The following SEMA6D variants were observed in gnomAD, a reference collection of about 807,000 sequenced individuals.
The protein encoded by SEMA6D is semaphorin-6D.
SEMA6D carries 35 observed loss-of-function variants against 106.6 expected under a neutral mutation model. The observed-to-expected ratio is 0.33, with a 90% CI of 0.25 to 0.44. The LOEUF is 0.44. Among genes scored for constraint, SEMA6D ranks in the 20% least tolerant of loss-of-function variants. The pLI, the probability that SEMA6D is intolerant of heterozygous loss-of-function variation, is 1.00. For missense variants in SEMA6D, 1,185 were observed against 1,345.9 expected (o/e 0.88, Z 1.87); for synonymous variants, 499 against 487.7 (o/e 1.02, Z -0.31).
chr15:47,708,796 T>C (rs1256604023), intron 4 of SEMA6D, among the ~76,000 whole-genome samples: 1 of 152,220 alleles, frequency 6.6e-6, no homozygotes, highest in East Asian at 1.9e-4. Flanking sequence ...GACAGTGTGA[T>C]AAGCACCAGA....
At chr15:47,345,601 T>G (rs1369998502) in intron 1 of SEMA6D, among the ~76,000 whole-genome samples, 1 of 152,062 alleles carries the variant, frequency 6.6e-6, no homozygotes, top group African/African-American at 2.4e-5. Flanking sequence ...ACTATAAAAC[T>G]TCAAGAAGAA....
At chr15:47,259,327 G>A (rs1227773516) in intron 1 of SEMA6D, among the ~76,000 whole-genome samples, 1 of 152,086 alleles carries the variant, frequency 6.6e-6, no homozygotes, top group Admixed American at 6.5e-5. Context: ...AGTTATTTTA[G>A]CGAGTCTTTA....
At chr15:47,429,267 A>G (rs1258393802) in intron 2 of SEMA6D, among the ~76,000 whole-genome samples, 1 of 152,134 alleles carries the variant, frequency 6.6e-6, no homozygotes, top group Non-Finnish European at 1.5e-5. Flanking sequence ...GTGACCTCAG[A>G]TAAGTTGCTT....
intron 3 of SEMA6D, among the ~76,000 whole-genome samples, chr15:47,600,105 CAT>C (rs757831942): frequency 3.3e-5 from 5 of 152,030 alleles, no homozygotes; most frequent in African/African-American, 9.7e-5. Flanking sequence ...CAAGTTGAAA[CAT>C]GTGCATATTT....
chr15:47,567,052 C>T (rs966208938), intron 3 of SEMA6D, among the ~76,000 whole-genome samples: 1 of 152,212 alleles, frequency 6.6e-6, no homozygotes, highest in Non-Finnish European at 1.5e-5. Flanking sequence ...TGGAATTATT[C>T]TGCCACCAGT....
chr15:47,547,800 G>T (rs117161070), intron 3 of SEMA6D, among the ~76,000 whole-genome samples: 2 of 152,104 alleles, frequency 1.3e-5, no homozygotes, highest in East Asian at 1.9e-4. Context: ...ATTAACATTC[G>T]TCTCCTACCT....
At position 47,217,569 on chromosome 15, in the gene SEMA6D, G is replaced by GTA. The variant is rs1442672335; in HGVS notation, c.-239+33152_-239+33153insAT. Among the ~76,000 whole-genome samples, 4 of 143,414 alleles carry GTA rather than the reference G, an allele frequency of 2.8e-5. No homozygotes were observed. The East Asian group carries it at 8.0e-4, about 29-fold the overall frequency. The allele number at this position is 143,414 out of a possible 152,430, so 94.1% of individuals were successfully genotyped here. On this transcript the variant is annotated intron_variant, in intron 1 of 19. Transcript: ENST00000558014. ...AAATACAAACCACGCGTGCACGGGT[G>GTA]TGTGTGTGTGTGTGTGTGTGTGTGT...
At chr15:47,719,492 T>C (rs1404304190) in intron 1 of SEMA6D, among the ~76,000 whole-genome samples, 3 of 152,210 alleles carry the variant, frequency 2.0e-5, no homozygotes, top group Non-Finnish European at 4.4e-5. Flanking sequence ...TTTAAGTCTG[T>C]AATAAAAATT....
chr15:47,351,109 T>A (rs750377493), intron 1 of SEMA6D, among the ~76,000 whole-genome samples: 27 of 152,182 alleles, frequency 1.8e-4, no homozygotes, highest in Non-Finnish European at 3.4e-4. Flanking sequence ...TGTTTTCTTG[T>A]CTCTGTTTCT....
intron 4 of SEMA6D, among the ~76,000 whole-genome samples, chr15:47,635,999 AT>A (rs1353083754): frequency 2.0e-5 from 3 of 151,588 alleles, no homozygotes; most frequent in Non-Finnish European, 4.4e-5. Context: ...GAATCTTTCC[AT>A]TTAAGGGCCT....
intron 3 of SEMA6D, among the ~76,000 whole-genome samples, chr15:47,486,722 C>T (rs191589368): frequency 8.5e-5 from 13 of 152,254 alleles, no homozygotes; most frequent in African/African-American, 3.1e-4. Context: ...TAACTGAGTA[C>T]GTACATTTTT....
intron 4 of SEMA6D, among the ~76,000 whole-genome samples, chr15:47,673,129 C>A (rs906852686): frequency 2.6e-5 from 4 of 151,920 alleles, no homozygotes; most frequent in African/African-American, 9.7e-5. Context: ...CCCCCAAAGG[C>A]CAGCTATCCA....
intron 4 of SEMA6D, among the ~76,000 whole-genome samples, chr15:47,619,473 A>C (rs1169238177): frequency 6.6e-6 from 1 of 152,182 alleles, no homozygotes; most frequent in Non-Finnish European, 1.5e-5. Context: ...AGATAAAATA[A>C]GTGGAATAAG....
At chr15:47,476,153 G>A (rs75343538) in intron 3 of SEMA6D, among the ~76,000 whole-genome samples, 2,426 of 152,274 alleles carry the variant, frequency 0.016, 68 homozygotes, top group African/African-American at 0.056. Context: ...TATTTGAGGT[G>A]CTGGCACTTC....
chr15:47,582,668 T>C (rs2076274945), intron 3 of SEMA6D, among the ~76,000 whole-genome samples: 1 of 152,110 alleles, frequency 6.6e-6, no homozygotes, highest in South Asian at 2.1e-4. Context: ...CTCTTGTCTC[T>C]AGAAGACTGG....
intron 4 of SEMA6D, among the ~76,000 whole-genome samples, chr15:47,657,713 T>G (rs1448585593): frequency 7.7e-6 from 1 of 129,678 alleles, no homozygotes; most frequent in African/African-American, 3.0e-5. Flanking sequence ...ACAGAGGGCT[T>G]CATTTCTTTT....
At chr15:47,291,469 A>G (rs2035590287) in intron 1 of SEMA6D, among the ~76,000 whole-genome samples, 1 of 152,168 alleles carries the variant, frequency 6.6e-6, no homozygotes. Context: ...TCTGACTGAA[A>G]ATGATGACTG....
intron 1 of SEMA6D, among the ~76,000 whole-genome samples, chr15:47,719,676 G>T (rs2079307098): frequency 1.3e-5 from 2 of 152,108 alleles, no homozygotes; most frequent in South Asian, 4.1e-4. Context: ...AATTTTCAAG[G>T]TTTCTTCCTT....
At chr15:47,521,621 A>T (rs2044581051) in intron 3 of SEMA6D, among the ~76,000 whole-genome samples, 1 of 152,196 alleles carries the variant, frequency 6.6e-6, no homozygotes, top group African/African-American at 2.4e-5. Context: ...CAATCTCCTT[A>T]GAACAGTGGG....
Sources: gnomAD v4.1 joint callset for allele counts (sites outside exome capture counted in the v4.1 genomes callset) on GRCh38, gnomAD v4.1.1 for gene constraint, MANE v1.5 for transcripts, NCBI Gene and HGNC (gene_info 2026-07-23, HGNC 2026-07-21) for gene names.